Variants in PTPRM observed in about 807,000 individuals in gnomAD.
PTPRM encodes receptor-type tyrosine-protein phosphatase mu.
In PTPRM, 47 loss-of-function variants were observed where a neutral mutation model predicts 186.7. The observed-to-expected ratio is 0.25, with a 90% CI of 0.20 to 0.32. The LOEUF (loss-of-function observed/expected upper bound fraction) is 0.32, where lower values mean the gene tolerates loss of function less well. Ranked by LOEUF, PTPRM falls within the 10% of genes least tolerant of loss-of-function variation. The pLI is 1.00. For missense variants in PTPRM, 1,494 were observed against 1,865.0 expected, an observed-to-expected ratio of 0.80 and a Z score of 3.66; for synonymous variants, 668 against 674.9, an observed-to-expected ratio of 0.99 and a Z score of 0.16.
chr18:7,887,122 G>C (rs755054453), intron 2 of PTPRM, among the ~76,000 whole-genome samples: 1 of 152,044 alleles, frequency 6.6e-6, no homozygotes, highest in East Asian at 1.9e-4. Context: ...CCAAGTTCAG[G>C]TGTACTTGCT....
chr18:7,791,057 T>G (rs1464763370), intron 2 of PTPRM, among the ~76,000 whole-genome samples: 1 of 152,232 alleles, frequency 6.6e-6, no homozygotes, highest in African/African-American at 2.4e-5. Context: ...ATTTGAAGAC[T>G]CATCTTACAA....
intron 7 of PTPRM, among the ~76,000 whole-genome samples, chr18:8,047,868 A>T (rs1393779433): frequency 6.6e-6 from 1 of 152,200 alleles, no homozygotes; most frequent in Non-Finnish European, 1.5e-5. Context: ...TTGAGACCAA[A>T]GTTAATTTGG....
intron 13 of PTPRM, among the ~76,000 whole-genome samples, chr18:8,130,823 G>A (rs7228059): frequency 0.025 from 3,747 of 152,286 alleles, 136 homozygotes; most frequent in African/African-American, 0.086. Context: ...GCAAGTAGTG[G>A]GTTCAAGTCC....
At chr18:7,634,733 C>T (rs554846371) in intron 1 of PTPRM, among the ~76,000 whole-genome samples, 7 of 152,280 alleles carry the variant, frequency 4.6e-5, no homozygotes, top group African/African-American at 1.4e-4. Flanking sequence ...TCTATTGTTG[C>T]ATCCCTAGTT....
chr18:7,938,296 A>C (rs1441398203), intron 5 of PTPRM, among the ~76,000 whole-genome samples: 1 of 152,160 alleles, frequency 6.6e-6, no homozygotes, highest in African/African-American at 2.4e-5. Flanking sequence ...CTATGTTTTC[A>C]GAAGAGTTGT....
chr18:7,914,525 C>T (rs2050442760), intron 4 of PTPRM, among the ~76,000 whole-genome samples: 1 of 152,032 alleles, frequency 6.6e-6, no homozygotes, highest in Non-Finnish European at 1.5e-5. Context: ...ATGTTTTTCT[C>T]ACTGAGTAAA....
In PTPRM at chr18:7,975,956, G is replaced by T. The variant is rs1224284303; in HGVS notation, c.1132+20542G>T. Among the ~76,000 whole-genome samples the T allele has an allele frequency of 2.0e-5, 3 of 152,162 alleles. No individual in the cohort carries two copies. In the East Asian group the frequency reaches 5.8e-4, roughly 29 times the overall value. The stretch of plus-strand genomic sequence containing the variant: ...GAGCCCGAGGCAGGTGGATCACGAG[G>T]TCAGGTGTTCAAGACCAGCCTGACC... On this transcript the variant is annotated intron_variant, in intron 7 of 32. Transcript: ENST00000580170.
At chr18:8,388,392 G>T (rs968073891) in intron 31 of PTPRM, among the ~76,000 whole-genome samples, 2 of 152,186 alleles carry the variant, frequency 1.3e-5, no homozygotes, top group African/African-American at 4.8e-5. Context: ...TTACTCTCCA[G>T]TCAGTGCCCT....
At chr18:7,862,398 G>T (rs1313325898) in intron 2 of PTPRM, among the ~76,000 whole-genome samples, 1 of 152,102 alleles carries the variant, frequency 6.6e-6, no homozygotes, top group East Asian at 1.9e-4. Flanking sequence ...CATCATATTT[G>T]AAGGAAGTGC....
intron 29 of PTPRM, among the ~76,000 whole-genome samples, chr18:8,383,095 C>T (rs951730288): frequency 3.3e-5 from 5 of 151,664 alleles, no homozygotes; most frequent in East Asian, 1.9e-4. Flanking sequence ...GTCAAGAGAT[C>T]GAGACCATCC....
rs535590372 is a variant in PTPRM, at chr18:7,750,296, G to A, written c.74-23853G>A. On this transcript the variant is annotated intron_variant, in intron 1 of 32. Transcript: ENST00000580170. ...GTTTTAAAAAAAAGAACACTCAAGTGATTTCTAAGCCTCTTAGTAAAACAA... is the reference window on the plus strand; with the variant it reads ...GTTTTAAAAAAAAGAACACTCAAGTAATTTCTAAGCCTCTTAGTAAAACAA... 7.2e-5 allele frequency among the ~76,000 whole-genome samples: 11 copies of A among 152,232 alleles called. No individual in the cohort carries two copies. In the East Asian group the frequency reaches 2.1e-3, roughly 29 times the overall value.
intron 20 of PTPRM, among the ~76,000 whole-genome samples, chr18:8,310,600 A>G (rs1029301258): frequency 6.6e-6 from 1 of 151,322 alleles, no homozygotes; most frequent in Non-Finnish European, 1.5e-5. Context: ...ATGTCCCTTT[A>G]TTAGGGAATT....
At chr18:7,673,540 AAC>A (rs1426077659) in intron 1 of PTPRM, among the ~76,000 whole-genome samples, 1 of 152,208 alleles carries the variant, frequency 6.6e-6, no homozygotes, top group Non-Finnish European at 1.5e-5. Flanking sequence ...CACAGGAATC[AAC>A]AGACTTGAGA....
intron 3 of PTPRM, among the ~76,000 whole-genome samples, chr18:7,904,317 A>T (rs2049862210): frequency 6.6e-6 from 1 of 152,250 alleles, no homozygotes; most frequent in African/African-American, 2.4e-5. Flanking sequence ...TGTTACCTGA[A>T]TAGGCTTGTG....
At chr18:8,308,784 AACT>A (rs151313543) in intron 20 of PTPRM, among the ~76,000 whole-genome samples, 3,586 of 152,338 alleles carry the variant, frequency 0.024, 60 homozygotes, top group Non-Finnish European at 0.037. Context: ...TGTACCTACT[AACT>A]ACACATAATT....
intron 32 of PTPRM, among the ~76,000 whole-genome samples, chr18:8,402,246 T>C (rs2095876160): frequency 6.6e-6 from 1 of 152,236 alleles, no homozygotes; most frequent in African/African-American, 2.4e-5. Flanking sequence ...CTTCCTTCTC[T>C]TTCCCCTTAT....
chr18:7,661,247 A>G (rs569529646), intron 1 of PTPRM, among the ~76,000 whole-genome samples: 7 of 152,180 alleles, frequency 4.6e-5, no homozygotes, highest in Non-Finnish European at 1.0e-4. Flanking sequence ...ATTACGAGCT[A>G]ATGTGGCACT....
chr18:7,882,576 T>C (rs1181108994), intron 2 of PTPRM, among the ~76,000 whole-genome samples: 3 of 152,212 alleles, frequency 2.0e-5, no homozygotes, highest in Non-Finnish European at 4.4e-5. Flanking sequence ...CAAAGACCAA[T>C]AATCTGTGGC....
intron 15 of PTPRM, among the ~76,000 whole-genome samples, chr18:8,245,387 G>C (rs2094468344): frequency 6.6e-6 from 1 of 152,138 alleles, no homozygotes; most frequent in Non-Finnish European, 1.5e-5. Context: ...GCACCAATGG[G>C]CAGGGCAGCA....
Sources: allele counts gnomAD v4.1 joint callset (sites outside exome capture counted in the v4.1 genomes callset), GRCh38; gene constraint gnomAD v4.1.1; transcripts MANE v1.5; gene names NCBI Gene and HGNC (gene_info 2026-07-23, HGNC 2026-07-21).